HK1: variants seen among roughly 807,000 people sequenced by gnomAD.
The protein encoded by HK1 is hexokinase 1.
Under a neutral mutation model 91.6 loss-of-function variants are expected in HK1, and 28 were observed. That is an observed-to-expected ratio of 0.31 (90% CI 0.23 to 0.42). HK1 has a LOEUF of 0.42. Ranked by LOEUF, HK1 falls within the 10% of genes least tolerant of loss-of-function variation. The pLI is 1.00. For missense variants in HK1, 770 were observed against 1,219.8 expected (o/e 0.63, Z 5.49); for synonymous variants, 430 against 468.1 (o/e 0.92, Z 1.05).
chr10:69,392,335 T>A (rs2278745), intron 15 of HK1, 27 bp downstream of exon 15: 1 of 1,613,026 alleles, frequency 6.2e-7, no homozygotes, highest in Non-Finnish European at 8.5e-7. Flanking sequence ...GAGAGGACAC[T>A]CACAGTCAGG....
At chr10:69,345,293 C>G (rs1848493458) in intron 2 of HK1, among the ~76,000 whole-genome samples, 1 of 152,192 alleles carries the variant, frequency 6.6e-6, no homozygotes, top group South Asian at 2.1e-4. Context: ...GTGTTGATTA[C>G]TAGCACCTAC....
At chr10:69,331,052 G>C (rs950367614) in intron 1 of HK1, among the ~76,000 whole-genome samples, 4 of 151,804 alleles carry the variant, frequency 2.6e-5, no homozygotes, top group Non-Finnish European at 5.9e-5. Context: ...GCTAATTTTT[G>C]TATTTTTGGT....
chr10:69,338,817 G>A, intron 1 of HK1: 1 of 716,510 alleles, frequency 1.4e-6, no homozygotes, highest in South Asian at 1.9e-5. Context: ...GGAAAAGGAA[G>A]GAGGAGAGTA....
chr10:69,363,185 G>C (rs1429010117), intron 3 of HK1, among the ~76,000 whole-genome samples: 2 of 152,198 alleles, frequency 1.3e-5, no homozygotes, highest in Non-Finnish European at 2.9e-5. Flanking sequence ...CTGTGTCACT[G>C]CCATGTGTAA....
At chr10:69,385,008 T>C in intron 12 of HK1, 93 bp downstream of exon 12, 2 of 1,382,558 alleles carry the variant, frequency 1.4e-6, no homozygotes, top group Non-Finnish European at 1.0e-6. Context: ...CCAGCCTCAG[T>C]GTCATTCCTA....
intron 15 of HK1, 146 bp from the exon 16 acceptor site, chr10:69,394,804 T>C: frequency 3.8e-6 from 3 of 789,874 alleles, no homozygotes; most frequent in East Asian, 2.6e-5. Flanking sequence ...CCACTCTGCC[T>C]CTGCGGCAGA....
At chr10:69,271,546 G>A (rs1003828683) in intron 1 of HK1, among the ~76,000 whole-genome samples, 26 of 147,186 alleles carry the variant, frequency 1.8e-4, no homozygotes, top group African/African-American at 6.3e-4. Context: ...GCGCAATCTC[G>A]GCTCACCACA....
Position 69,368,606 on chromosome 10 carries a change from T to A in HK1, c.566T>A (p.Leu189His), listed in dbSNP as rs751701905. Reference sequence around the variant, plus strand: ...GAAGGAGCAGATGTGGTCAAACTGCTTAACAAAGCCATCAAAAAGCGAGGG... The same window carrying A: ...GAAGGAGCAGATGTGGTCAAACTGCATAACAAAGCCATCAAAAAGCGAGGG... ...GVEGADVVKL[L>H]NKAIKKRGDY... is the part of the protein sequence containing the mutation. The change falls in exon 5 of 18, where the codon CTT becomes CAT. Residue 189 changes from leucine to histidine, a missense_variant. Coordinates refer to ENST00000359426, the MANE Select transcript of HK1 (RefSeq NM_000188.3). 3.1e-6 allele frequency: 5 copies of A among 1,614,056 alleles called. No individual in the cohort carries two copies. In the South Asian group the frequency reaches 5.5e-5, roughly 18 times the overall value.
chr10:69,314,225 G>A (rs1846526606), upstream of HK1, among the ~76,000 whole-genome samples: 1 of 152,216 alleles, frequency 6.6e-6, no homozygotes, highest in Non-Finnish European at 1.5e-5. Context: ...TGTTCCCATG[G>A]AAAGCTAGGG....
At chr10:69,282,996 G>C (rs1844826089) in intron 2 of HK1, among the ~76,000 whole-genome samples, 1 of 151,318 alleles carries the variant, frequency 6.6e-6, no homozygotes, top group Admixed American at 6.6e-5. Flanking sequence ...TATGGTGGCA[G>C]GCGCCTGTAA....
intron 1 of HK1, among the ~76,000 whole-genome samples, chr10:69,342,196 A>AACACACAC (rs139012850): frequency 6.6e-6 from 1 of 151,562 alleles, no homozygotes. Flanking sequence ...CAAACAAACA[A>AACACACAC]AGGAAAAAAC....
chr10:69,272,136 T>A (rs982764046), intron 1 of HK1, among the ~76,000 whole-genome samples: 19 of 152,236 alleles, frequency 1.2e-4, no homozygotes, highest in African/African-American at 4.1e-4. Context: ...AGTGCTGGGA[T>A]TATAGGCGTG....
At chr10:69,290,316 C>G (rs962666629) in intron 3 of HK1, among the ~76,000 whole-genome samples, 1 of 152,164 alleles carries the variant, frequency 6.6e-6, no homozygotes, top group Non-Finnish European at 1.5e-5. Context: ...ACAATACAAG[C>G]TCAAGGAGTT....
chr10:69,338,505 A>G (rs1336116082), intron 1 of HK1: 7 of 1,289,294 alleles, frequency 5.4e-6, no homozygotes, highest in Middle Eastern at 2.1e-4. Flanking sequence ...TAGATGGTCC[A>G]CAGACCGAGG....
In HK1 at chr10:69,343,859, C is replaced by T. The variant is rs149919826; in HGVS notation, c.96C>T (p.Ser32=). 128 of 1,613,872 alleles carry T rather than the reference C, an allele frequency of 7.9e-5. 1 individual carries two copies. In the African/African-American group the frequency reaches 1.0e-3, roughly 13 times the overall value. ...IDKYLYAMRL[S]DETLIDIMTR... ...AGTATCTCTATGCCATGCGGCTCTCCGATGAAACTCTCATAGATATCATGA... is the reference window on the plus strand; with the variant it reads ...AGTATCTCTATGCCATGCGGCTCTCTGATGAAACTCTCATAGATATCATGA... Residue 32 remains serine, a synonymous_variant, in exon 2 of 18, where the codon TCC becomes TCT. Transcript: ENST00000359426.
In HK1 at chr10:69,275,299, T is replaced by G. The variant is rs531751882; in HGVS notation, c.-391+5191T>G. The stretch of plus-strand genomic sequence containing the variant: ...ACTTTGGGAGGCCAAGGTGGGAGGA[T>G]AGCTTGAGGCCAGGAATTTGAGACC... On this transcript the variant is annotated intron_variant, in intron 1 of 21. Transcript: ENST00000360289. 7.9e-5 allele frequency among the ~76,000 whole-genome samples: 12 copies of G among 151,610 alleles called. 1 individual carries two copies. In the South Asian group the frequency reaches 2.5e-3, roughly 32 times the overall value.
At chr10:69,360,669 C>T (rs538676846) in intron 3 of HK1, among the ~76,000 whole-genome samples, 146 of 152,324 alleles carry the variant, frequency 9.6e-4, no homozygotes, top group African/African-American at 3.4e-3. Flanking sequence ...TTCCTCCCTG[C>T]CCAAGGGGCT....
Position 69,364,915 on chromosome 10 carries a change from T to A in HK1, c.495+13T>A. ...CAAAATAGATGAGGTAAGGATGTTC[T>A]GGGATTATCGGGCTCTGCAGATGCC... is the stretch of plus-strand genomic sequence containing the variant. On this transcript the variant is annotated intron_variant, in intron 4 of 17. Coordinates refer to ENST00000359426, the MANE Select transcript of HK1 (RefSeq NM_000188.3). The A allele has an allele frequency of 6.2e-7, 1 of 1,614,158 alleles. No individual in the cohort carries two copies. Among genetic ancestry groups the A allele is most frequent in the South Asian group, 1.1e-5 (1 of 91,082 alleles).
At chr10:69,327,000 CTTTTTTTTT>C (rs1042738695) in intron 1 of HK1, among the ~76,000 whole-genome samples, 5 of 110,926 alleles carry the variant, frequency 4.5e-5, no homozygotes, top group African/African-American at 1.0e-4. Flanking sequence ...TGGTTTTAAA[CTTTTTTTTT>C]TTTTTTTTTT....
Sources: gnomAD v4.1 joint callset for allele counts (sites outside exome capture counted in the v4.1 genomes callset) on GRCh38, gnomAD v4.1.1 for gene constraint, MANE v1.5 for transcripts, NCBI Gene and HGNC (gene_info 2026-07-23, HGNC 2026-07-21) for gene names.